The following PDE4D variants were observed in gnomAD, a reference collection of about 807,000 sequenced individuals.
The protein encoded by PDE4D is phosphodiesterase 4D, also known as 3',5'-cyclic-AMP phosphodiesterase 4D.
Under a neutral mutation model 87.4 loss-of-function variants are expected in PDE4D, and 24 were observed. The ratio of observed to expected loss-of-function variants is 0.27; its 90% CI spans 0.20 to 0.39. The LOEUF (loss-of-function observed/expected upper bound fraction) is 0.39. Ranked by LOEUF, PDE4D falls within the 10% of genes least tolerant of loss-of-function variation. PDE4D has a pLI of 1.00. For synonymous variants in PDE4D, 384 were observed against 383.2 expected, an observed-to-expected ratio of 1.00 and a Z score of -0.02; for missense variants, 714 against 1,041.0, an observed-to-expected ratio of 0.69 and a Z score of 4.32.
At chr5:60,412,026 A>G (rs1450324499) in intron 1 of PDE4D, among the ~76,000 whole-genome samples, 1 of 152,174 alleles carries the variant, frequency 6.6e-6, no homozygotes, top group African/African-American at 2.4e-5. Flanking sequence ...TAGAGTAACT[A>G]TCTCTTTTTA....
At chr5:59,225,320 G>T (rs979278787) in intron 1 of PDE4D, among the ~76,000 whole-genome samples, 17 of 152,194 alleles carry the variant, frequency 1.1e-4, no homozygotes, top group African/African-American at 3.6e-4. Context: ...CTGTGTATGT[G>T]TGAGTTTATT....
intron 1 of PDE4D, among the ~76,000 whole-genome samples, chr5:59,581,410 A>T (rs1039317748): frequency 6.6e-6 from 1 of 152,230 alleles, no homozygotes; most frequent in Non-Finnish European, 1.5e-5. Context: ...AGGAAGAAGC[A>T]AAAAGGAGTG....
At chr5:59,414,785 T>C (rs2153623124) in intron 1 of PDE4D, among the ~76,000 whole-genome samples, 1 of 152,282 alleles carries the variant, frequency 6.6e-6, no homozygotes, top group Admixed American at 6.5e-5. Flanking sequence ...GCCCATGTAC[T>C]CCTATATGTG....
chr5:60,218,540 C>T (rs757718475), intron 1 of PDE4D, among the ~76,000 whole-genome samples: 1 of 151,936 alleles, frequency 6.6e-6, no homozygotes, highest in South Asian at 2.1e-4. Context: ...TTTAAAAATG[C>T]CACACAGATG....
chr5:60,388,060 T>C (rs1374938264), intron 1 of PDE4D, among the ~76,000 whole-genome samples: 1 of 152,158 alleles, frequency 6.6e-6, no homozygotes, highest in Non-Finnish European at 1.5e-5. Flanking sequence ...TTACAAAGGA[T>C]ACAGATGTGT....
intron 1 of PDE4D, among the ~76,000 whole-genome samples, chr5:59,403,969 C>A (rs1265242898): frequency 1.3e-5 from 2 of 152,150 alleles, no homozygotes; most frequent in African/African-American, 4.8e-5. Context: ...GCATTTGTTA[C>A]TGCCTGTCTT....
intron 1 of PDE4D, among the ~76,000 whole-genome samples, chr5:59,690,432 G>A (rs752928063): frequency 1.8e-4 from 28 of 152,144 alleles, no homozygotes; most frequent in Non-Finnish European, 2.1e-4. Flanking sequence ...TCAACCATCT[G>A]ATCTTTGACA....
At chr5:59,991,205 T>A (rs1376111068) in intron 2 of PDE4D, among the ~76,000 whole-genome samples, 1 of 152,062 alleles carries the variant, frequency 6.6e-6, no homozygotes, top group Non-Finnish European at 1.5e-5. Flanking sequence ...ATTACTCAGG[T>A]GGTCTTAAGA....
intron 4 of PDE4D, among the ~76,000 whole-genome samples, chr5:59,182,306 G>A (rs983768108): frequency 7.9e-5 from 12 of 151,486 alleles, no homozygotes; most frequent in African/African-American, 2.7e-4. Context: ...TGCTCAGGCT[G>A]GAGTGCAGTG....
chr5:60,473,481 G>A (rs1021950481), intron 1 of PDE4D, among the ~76,000 whole-genome samples: 1 of 152,182 alleles, frequency 6.6e-6, no homozygotes. Context: ...TAAAGAACAA[G>A]AGAATGATAA....
At chr5:60,118,124 T>C (rs1282533425) in intron 2 of PDE4D, among the ~76,000 whole-genome samples, 1 of 152,194 alleles carries the variant, frequency 6.6e-6, no homozygotes, top group Non-Finnish European at 1.5e-5. Flanking sequence ...TCAGCTCTGT[T>C]GACTGTCTTT....
intron 2 of PDE4D, among the ~76,000 whole-genome samples, chr5:60,113,134 T>C (rs753741143): frequency 6.6e-6 from 1 of 152,118 alleles, no homozygotes; most frequent in Non-Finnish European, 1.5e-5. Context: ...CCTCTGTCAC[T>C]TTCACATTAT....
intron 1 of PDE4D, among the ~76,000 whole-genome samples, chr5:59,393,216 A>G (rs1788592346): frequency 6.6e-6 from 1 of 152,206 alleles, no homozygotes. Context: ...TTGAAGACAC[A>G]GATTCAAAGG....
intron 2 of PDE4D, among the ~76,000 whole-genome samples, chr5:60,094,818 T>G (rs1428800660): frequency 6.6e-6 from 1 of 151,990 alleles, no homozygotes; most frequent in Non-Finnish European, 1.5e-5. Context: ...AATACATACA[T>G]TTCTCTTGTT....
intron 1 of PDE4D, among the ~76,000 whole-genome samples, chr5:60,274,335 T>C (rs1439259050): frequency 2.4e-5 from 2 of 82,384 alleles, no homozygotes; most frequent in East Asian, 5.7e-4. Context: ...TGTTTGGTTC[T>C]TGTCGTTGTT....
intron 1 of PDE4D, among the ~76,000 whole-genome samples, chr5:59,280,843 T>C (rs1294653669): frequency 1.3e-5 from 2 of 151,750 alleles, no homozygotes; most frequent in Non-Finnish European, 2.9e-5. Flanking sequence ...CAAATGTTAC[T>C]ATTTGTAAGA....
chr5:60,250,109 C>G (rs1465672914), intron 1 of PDE4D, among the ~76,000 whole-genome samples: 1 of 151,982 alleles, frequency 6.6e-6, no homozygotes, highest in Non-Finnish European at 1.5e-5. Flanking sequence ...GGGCTATCAT[C>G]AGACAAATTT....
intron 5 of PDE4D, among the ~76,000 whole-genome samples, chr5:59,121,522 T>C (rs1774501962): frequency 6.6e-6 from 1 of 151,986 alleles, no homozygotes; most frequent in Non-Finnish European, 1.5e-5. Flanking sequence ...GTTAGAGGGC[T>C]ATTATTAAAA....
chr5:59,721,056 A>G (rs1171384805), intron 1 of PDE4D, among the ~76,000 whole-genome samples: 1 of 152,170 alleles, frequency 6.6e-6, no homozygotes, highest in Non-Finnish European at 1.5e-5. Flanking sequence ...GCCACAGAGA[A>G]GTCTTACTAA....
Sources: gnomAD v4.1 joint callset for allele counts (sites outside exome capture counted in the v4.1 genomes callset) on GRCh38, gnomAD v4.1.1 for gene constraint, MANE v1.5 for transcripts, NCBI Gene and HGNC (gene_info 2026-07-23, HGNC 2026-07-21) for gene names.